Variants in SLC22A15 observed in about 807,000 individuals in gnomAD.
SLC22A15 encodes flipt 1.
SLC22A15 carries 45 observed loss-of-function variants against 62.7 expected under a neutral mutation model. The observed-to-expected ratio is 0.72, with a 90% CI of 0.56 to 0.92. The LOEUF is 0.92. Ranked by LOEUF, SLC22A15 falls within the 40% of genes least tolerant of loss-of-function variation. The probability of loss-of-function intolerance (pLI) is 0.00; values close to 1 mark genes in which losing one functional copy is unlikely to be tolerated. For missense variants in SLC22A15, 622 were observed against 665.6 expected (o/e 0.93, Z 0.72); for synonymous variants, 264 against 267.0 (o/e 0.99, Z 0.11).
At chr1:116,017,928 C>T (rs1378521392) in intron 2 of SLC22A15, among the ~76,000 whole-genome samples, 1 of 152,164 alleles carries the variant, frequency 6.6e-6, no homozygotes, top group Non-Finnish European at 1.5e-5. Context: ...GGTGTTTTAA[C>T]CAGAGAATGG....
Position 116,031,743 on chromosome 1 carries a change from T to C in SLC22A15, c.944+162T>C. On this transcript the variant is annotated intron_variant, in intron 6 of 11. Coordinates refer to ENST00000369503, the MANE Select transcript of SLC22A15 (RefSeq NM_018420.3). ...TCCTGATCCTTAGCGCCTGGTTTTC[T>C]GCTTGCGCAGCCCCGTCTTTCTCAA... The C allele has an allele frequency of 2.1e-6, 3 of 1,439,408 alleles. No individual in the cohort carries two copies. The South Asian group carries it at 4.5e-5, about 22-fold the overall frequency. The allele number at this position is 1,439,408 out of a possible 1,614,324, so 89.2% of individuals were successfully genotyped here.
intron 1 of SLC22A15, among the ~76,000 whole-genome samples, chr1:115,980,553 GA>G (rs950187316): frequency 6.6e-6 from 1 of 151,284 alleles, no homozygotes; most frequent in Admixed American, 6.6e-5. Context: ...AATGTTAAGT[GA>G]AAAAAAAGCA....
At chr1:116,026,572 G>A (rs1204464453) in intron 4 of SLC22A15, among the ~76,000 whole-genome samples, 2 of 152,230 alleles carry the variant, frequency 1.3e-5, no homozygotes, top group Non-Finnish European at 2.9e-5. Flanking sequence ...CCAAGCCTCA[G>A]CCAGAGGTTC....
intron 8 of SLC22A15, among the ~76,000 whole-genome samples, chr1:116,061,926 C>T (rs539194997): frequency 4.6e-5 from 7 of 152,086 alleles, no homozygotes; most frequent in East Asian, 1.9e-4. Flanking sequence ...TAAAGAACAT[C>T]GGCTGGGCGT....
At chr1:116,063,644 T>A (rs1303848839) in intron 9 of SLC22A15, among the ~76,000 whole-genome samples, 1 of 152,232 alleles carries the variant, frequency 6.6e-6, no homozygotes, top group African/African-American at 2.4e-5. Flanking sequence ...GAGCAGAGTG[T>A]CTGCAATTGG....
chr1:116,037,569 A>C, intron 8 of SLC22A15, 181 bp downstream of exon 8: 3 of 584,184 alleles, frequency 5.1e-6, no homozygotes, highest in Non-Finnish European at 6.2e-6. Context: ...TGGGTGAATA[A>C]TGTGTGTAGA....
chr1:115,987,732 A>G (rs1015016575), intron 1 of SLC22A15, among the ~76,000 whole-genome samples: 2 of 152,222 alleles, frequency 1.3e-5, no homozygotes, highest in Non-Finnish European at 2.9e-5. Flanking sequence ...CAATAAAATA[A>G]TCTTTGATTC....
chr1:116,069,814 G>A lies in SLC22A15; in HGVS notation c.*2706G>A, dbSNP rs917722049. 3 of 152,120 alleles carry A rather than the reference G, an allele frequency of 2.0e-5. No homozygotes were observed. The highest frequency in any genetic ancestry group is 4.4e-5 in the Non-Finnish European group (3 of 68,014). 9.4% of individuals were successfully genotyped at this position (152,120 alleles called of 1,614,324 possible). A position where few individuals can be genotyped will look rare whatever the true frequency, so the allele number is the denominator to read the frequency against. ...CATAAATCAGACAGATATTTTTATG[G>A]TGGGCAAATTGATGAAGATACTTTT... is the stretch of plus-strand genomic sequence containing the variant. On this transcript the variant is annotated 3_prime_UTR_variant, in exon 12 of 12. Transcript: ENST00000369503.
chr1:116,066,112 A>G (rs1658490711), intron 10 of SLC22A15, among the ~76,000 whole-genome samples: 1 of 152,314 alleles, frequency 6.6e-6, no homozygotes, highest in Non-Finnish European at 1.5e-5. Flanking sequence ...TTTAAAGTTC[A>G]TCATCAGCAA....
chr1:116,011,732 C>T (rs560128965), intron 2 of SLC22A15, among the ~76,000 whole-genome samples: 12 of 151,574 alleles, frequency 7.9e-5, no homozygotes, highest in South Asian at 2.1e-4. Context: ...GTAAGTCAGA[C>T]GAGACTTAAG....
chr1:116,010,963 C>A (rs2101213443), intron 2 of SLC22A15, among the ~76,000 whole-genome samples: 1 of 152,364 alleles, frequency 6.6e-6, no homozygotes, highest in South Asian at 2.1e-4. Context: ...CCTGCTTGGA[C>A]AACCAGGGTG....
In SLC22A15 at chr1:116,034,860, G is replaced by A. The variant is rs115610421; in HGVS notation, c.945-327G>A. On this transcript the variant is annotated intron_variant, in intron 6 of 11. Transcript: ENST00000369503. ...AAATTGTTGCCTTAAATAAAGAATAGGGTCATTGTGTTCTATTAATTGCAG... is the reference window on the plus strand; with the variant it reads ...AAATTGTTGCCTTAAATAAAGAATAAGGTCATTGTGTTCTATTAATTGCAG... Among the ~76,000 whole-genome samples, 950 of 152,290 alleles carry A rather than the reference G, an allele frequency of 6.2e-3. 9 individuals carry two copies. Among genetic ancestry groups the A allele is most frequent in the African/African-American group, 0.021 (890 of 41,550 alleles).
At chr1:116,025,957 GTTGATAT>G (rs1382417286) in intron 4 of SLC22A15, among the ~76,000 whole-genome samples, 1 of 152,112 alleles carries the variant, frequency 6.6e-6, no homozygotes, top group Non-Finnish European at 1.5e-5. Flanking sequence ...CAATTCCATG[GTTGATAT>G]TTTTCCATCA....
chr1:116,058,720 T>A (rs1658296482), intron 8 of SLC22A15, among the ~76,000 whole-genome samples: 1 of 152,182 alleles, frequency 6.6e-6, no homozygotes, highest in South Asian at 2.1e-4. Flanking sequence ...CCAACTCAAA[T>A]GCTTATCAGT....
At chr1:116,057,575 A>G (rs1167847309) in intron 8 of SLC22A15, among the ~76,000 whole-genome samples, 2 of 152,234 alleles carry the variant, frequency 1.3e-5, no homozygotes, top group African/African-American at 4.8e-5. Flanking sequence ...CCAAAGGACT[A>G]TAAATCATGC....
chr1:116,062,983 T>C, intron 9 of SLC22A15, 101 bp downstream of exon 9: 1 of 1,462,734 alleles, frequency 6.8e-7, no homozygotes, highest in Non-Finnish European at 9.3e-7. Context: ...CTTCTGGAGT[T>C]AGTTTGGGGC....
At chr1:116,032,271 A>C in intron 6 of SLC22A15, 1 of 985,396 alleles carries the variant, frequency 1.0e-6, no homozygotes, top group Non-Finnish European at 1.2e-6. Flanking sequence ...TTAAAGAATG[A>C]AGTTGTAGAA....
intron 8 of SLC22A15, among the ~76,000 whole-genome samples, chr1:116,052,246 T>G (rs1658076123): frequency 2.6e-5 from 4 of 152,168 alleles, no homozygotes; most frequent in Admixed American, 2.6e-4. Flanking sequence ...GGAGATTATA[T>G]CCCGCACCTG....
intron 2 of SLC22A15, among the ~76,000 whole-genome samples, chr1:116,002,414 G>T (rs1379608337): frequency 6.6e-6 from 1 of 152,066 alleles, no homozygotes; most frequent in African/African-American, 2.4e-5. Context: ...ACTAGGACTT[G>T]ATCTTTTCCC....
Sources: gnomAD v4.1 joint callset for allele counts (sites outside exome capture counted in the v4.1 genomes callset) on GRCh38, gnomAD v4.1.1 for gene constraint, MANE v1.5 for transcripts, NCBI Gene and HGNC (gene_info 2026-07-23, HGNC 2026-07-21) for gene names.